PRKG2: variants seen among roughly 807,000 people sequenced by gnomAD.
The protein encoded by PRKG2 is protein kinase cGMP-dependent 2.
Under a neutral mutation model 97.2 loss-of-function variants are expected in PRKG2, and 33 were observed. The observed-to-expected ratio is 0.34, with a 90% confidence interval of 0.26 to 0.45. The LOEUF (loss-of-function observed/expected upper bound fraction) is 0.45, where lower values mean the gene tolerates loss of function less well. Ranked by LOEUF, PRKG2 falls within the 20% of genes least tolerant of loss-of-function variation. The pLI, the probability that PRKG2 is intolerant of heterozygous loss-of-function variation, is 1.00. For synonymous variants in PRKG2, 330 were observed against 321.8 expected (o/e 1.03, Z -0.27); for missense variants, 638 against 900.0 (o/e 0.71, Z 3.73).
chr4:81,118,755 A>C (rs1357546226), intron 14 of PRKG2, among the ~76,000 whole-genome samples: 1 of 152,046 alleles, frequency 6.6e-6, no homozygotes, highest in Non-Finnish European at 1.5e-5. Flanking sequence ...TAATTCTCTT[A>C]ACAGTCTTTC....
chr4:81,144,611 T>TATATATA (rs1553923796), intron 9 of PRKG2, among the ~76,000 whole-genome samples: 1 of 136,728 alleles, frequency 7.3e-6, no homozygotes, highest in African/African-American at 3.0e-5. Flanking sequence ...TATATATATA[T>TATATATA]TTTTTTTTTA....
chr4:81,114,408 T>G (rs1744293039), intron 14 of PRKG2, among the ~76,000 whole-genome samples: 2 of 152,110 alleles, frequency 1.3e-5, no homozygotes, highest in South Asian at 4.1e-4. Context: ...TCATGGATAC[T>G]TGTCTATAGT....
chr4:81,170,973 G>A (rs559673054), intron 4 of PRKG2, among the ~76,000 whole-genome samples: 1 of 152,048 alleles, frequency 6.6e-6, no homozygotes, highest in African/African-American at 2.4e-5. Context: ...ATTGTTTTTG[G>A]CAGAACAAAC....
chr4:81,089,628 G>C lies in PRKG2; in HGVS notation c.*80C>G. On this transcript the variant is annotated 3_prime_UTR_variant, in exon 19 of 19. Transcript: ENST00000264399. Reference sequence around the variant, plus strand: ...TCTTCCAAAGATATTATAATACTCTGAAAAGAAAATAATGTGTTGGATTAT... The same window carrying C: ...TCTTCCAAAGATATTATAATACTCTCAAAAGAAAATAATGTGTTGGATTAT... 9.2e-7 allele frequency: 1 copy of C among 1,088,514 alleles called. No homozygotes were observed. The highest frequency in any genetic ancestry group is 2.4e-5 in the East Asian group (1 of 41,222). The allele number at this position is 1,088,514 out of a possible 1,614,324, so 67.4% of individuals were successfully genotyped here. A position where few individuals can be genotyped will look rare whatever the true frequency, so the allele number is the denominator to read the frequency against.
intron 17 of PRKG2, among the ~76,000 whole-genome samples, chr4:81,093,858 C>A (rs1324724572): frequency 6.6e-6 from 1 of 152,150 alleles, no homozygotes; most frequent in Non-Finnish European, 1.5e-5. Flanking sequence ...TACTCTGTCT[C>A]TCAGGATCTT....
At chr4:81,199,403 C>T (rs1401314663) in intron 2 of PRKG2, among the ~76,000 whole-genome samples, 1 of 152,066 alleles carries the variant, frequency 6.6e-6, no homozygotes, top group Non-Finnish European at 1.5e-5. Context: ...GGTCAAGAGT[C>T]CACCTCTGAT....
rs1007287261 is a variant in PRKG2 at position 81,089,733 on chromosome 4, A to G, written c.2264T>C (p.Leu755Pro). 6.2e-7 allele frequency: 1 copy of G among 1,612,516 alleles called. No homozygotes were observed. Among genetic ancestry groups the G allele is most frequent in the Non-Finnish European group, 8.5e-7 (1 of 1,178,540 alleles). ...PPEKGMPPDE[L>P]SGWDKDF ...TCAGAAGTCTTTATCCCAGCCTGAT[A>G]GCTCATCTGGAGGCATTCCCTTTTC... The change falls in exon 19 of 19, where the codon CTA becomes CCA. Residue 755 changes from leucine (L) to proline (P), a missense_variant. By Grantham distance (98) the Leu-to-Pro change is moderately conservative. Transcript: ENST00000264399.
Position 81,087,779 on chromosome 4 carries a change from CAAT to C in PRKG2, c.*1926_*1928del, listed in dbSNP as rs1741234760. On this transcript the variant is annotated 3_prime_UTR_variant, in exon 19 of 19. Transcript: ENST00000264399. ...CATCTTTTAAAGTACTCTAAGGAAA[CAAT>C]AAAAAATCACATGGGAGGATAACAC... is the stretch of plus-strand genomic sequence containing the variant. The C allele has an allele frequency of 6.6e-6, 1 of 151,998 alleles. No individual in the cohort carries two copies. The highest frequency in any genetic ancestry group is 2.1e-4 in the South Asian group (1 of 4,830). The allele number at this position is 151,998 out of a possible 1,614,324, so 9.4% of individuals were successfully genotyped here. A position where few individuals can be genotyped will look rare whatever the true frequency, so the allele number is the denominator to read the frequency against.
Position 81,144,811 on chromosome 4 carries a change from A to T in PRKG2, c.1155-481T>A, listed in dbSNP as rs1245560468. Among the ~76,000 whole-genome samples, 5 of 129,610 alleles carry T rather than the reference A, an allele frequency of 3.9e-5. No individual in the cohort carries two copies. In the East Asian group the frequency reaches 1.2e-3, roughly 30 times the overall value. 85.0% of individuals were successfully genotyped at this position (129,610 alleles called of 152,430 possible). On this transcript the variant is annotated intron_variant, in intron 9 of 18. Transcript: ENST00000264399. ...TGTCATGTTCCCCTTCCTGTGTCCA[A>T]GTGTTCTCATTGTTCAGTTCCCACC...
chr4:81,210,720 G>A (rs769201856), intron 1 of PRKG2, among the ~76,000 whole-genome samples: 2 of 152,148 alleles, frequency 1.3e-5, no homozygotes, highest in Non-Finnish European at 2.9e-5. Context: ...CAACTGATAT[G>A]AGACATATGT....
upstream of PRKG2, among the ~76,000 whole-genome samples, chr4:81,217,055 G>GTATATATATATATATATATATATA (rs1410182031): frequency 1.0e-5 from 1 of 98,080 alleles, no homozygotes; most frequent in African/African-American, 4.2e-5. Flanking sequence ...ATATATATAT[G>GTATATATATATATATATATATATA]TGTATATATA....
intron 2 of PRKG2, among the ~76,000 whole-genome samples, chr4:81,202,968 T>G (rs940671784): frequency 1.3e-5 from 2 of 152,006 alleles, no homozygotes; most frequent in Non-Finnish European, 2.9e-5. Flanking sequence ...CATGTCATTC[T>G]GCATAAAAAA....
chr4:81,134,211 T>C (rs1412420556), intron 14 of PRKG2, among the ~76,000 whole-genome samples: 3 of 152,218 alleles, frequency 2.0e-5, no homozygotes, highest in Non-Finnish European at 4.4e-5. Context: ...TGTGGCTGAA[T>C]TATACAACTA....
At chr4:81,116,210 G>A (rs1744500752) in intron 14 of PRKG2, among the ~76,000 whole-genome samples, 1 of 151,892 alleles carries the variant, frequency 6.6e-6, no homozygotes, top group African/African-American at 2.4e-5. Context: ...AGTAGGTCCT[G>A]GTGCCTATTA....
rs1745916635 is a variant in PRKG2, at chr4:81,129,240, A to AT, written c.1776+5914dup. On this transcript the variant is annotated intron_variant, in intron 14 of 18. Transcript: ENST00000264399. ...TGTTTTATTTCCAATTATGTGGTCG[A>AT]TTTTAGAATAAGTGTGATGTGGTGC... 3.9e-5 allele frequency among the ~76,000 whole-genome samples: 6 copies of AT among 152,000 alleles called. No individual in the cohort carries two copies. In the South Asian group the frequency reaches 1.2e-3, roughly 32 times the overall value.
intron 17 of PRKG2, among the ~76,000 whole-genome samples, chr4:81,101,904 C>T (rs1305539020): frequency 1.3e-5 from 2 of 152,048 alleles, no homozygotes; most frequent in South Asian, 2.1e-4. Context: ...AGAGAAGCTA[C>T]GCAGCTTAAA....
At position 81,115,602 on chromosome 4, in the gene PRKG2, T is replaced by A. The variant is rs957517316; in HGVS notation, c.1777-4991A>T. Among the ~76,000 whole-genome samples, 3 of 152,326 alleles carry A rather than the reference T, an allele frequency of 2.0e-5. No homozygotes were observed. In the South Asian group the frequency reaches 6.2e-4, roughly 32 times the overall value. On this transcript the variant is annotated intron_variant, in intron 14 of 18. Coordinates refer to ENST00000264399, the MANE Select transcript of PRKG2 (RefSeq NM_006259.3). ...TCTTAGGGCTGTGTCAACTTCCAAT[T>A]GGCTATGTTCATTAACAAGCCAGAA...
At position 81,174,896 on chromosome 4, in the gene PRKG2, C is replaced by T; in HGVS notation, c.525G>A (p.Gln175=). The stretch of plus-strand genomic sequence containing the variant: ...TGCATTCCACCATGTCTTTGATCTG[C>T]TGAGGATCCAGTCTTTTCAGAAACT... The part of the protein sequence containing the change: ...KNQFLKRLDP[Q]QIKDMVECMY... Residue 175 remains glutamine, a synonymous_variant, in exon 3 of 19, where the codon CAG becomes CAA. Transcript: ENST00000264399. 1.2e-6 allele frequency: 2 copies of T among 1,613,008 alleles called. No homozygotes were observed. Among genetic ancestry groups the T allele is most frequent in the Middle Eastern group, 1.7e-4 (1 of 6,058 alleles).
intron 2 of PRKG2, among the ~76,000 whole-genome samples, chr4:81,201,630 T>A (rs1753321310): frequency 6.6e-6 from 1 of 152,162 alleles, no homozygotes; most frequent in South Asian, 2.1e-4. Flanking sequence ...TTATGATATA[T>A]CTAAGCACAG....
Sources: allele counts gnomAD v4.1 joint callset (sites outside exome capture counted in the v4.1 genomes callset), GRCh38; gene constraint gnomAD v4.1.1; transcripts MANE v1.5; gene names NCBI Gene and HGNC (gene_info 2026-07-23, HGNC 2026-07-21).